PAK5: variants seen among roughly 807,000 people sequenced by gnomAD.
The protein encoded by PAK5 is p21 (RAC1) activated kinase 5, also known as serine/threonine-protein kinase PAK 5.
PAK5 carries 16 observed loss-of-function variants against 65.9 expected under a neutral mutation model. The observed-to-expected ratio is 0.24, with a 90% CI of 0.16 to 0.37. The LOEUF is 0.37. PAK5 is among the 10% of genes least tolerant of loss of function. PAK5 has a pLI of 1.00. For missense variants in PAK5, 785 were observed against 903.9 expected, an observed-to-expected ratio of 0.87 and a Z score of 1.69; for synonymous variants, 371 against 354.9, an observed-to-expected ratio of 1.05 and a Z score of -0.51.
At chr20:9,557,545 T>G in intron 7 of PAK5, 63 bp downstream of exon 7, 1 of 1,392,118 alleles carries the variant, frequency 7.2e-7, no homozygotes, top group Non-Finnish European at 9.7e-7. Flanking sequence ...TCTAAAAGAG[T>G]TATGCCCATG....
chr20:9,771,993 G>C (rs910629636), intron 1 of PAK5, among the ~76,000 whole-genome samples: 3 of 152,096 alleles, frequency 2.0e-5, no homozygotes, highest in African/African-American at 2.4e-5. Context: ...AACAGAGATC[G>C]CACCACTGCA....
chr20:9,700,567 G>C (rs751780355), intron 2 of PAK5, among the ~76,000 whole-genome samples: 2 of 152,122 alleles, frequency 1.3e-5, no homozygotes, highest in African/African-American at 4.8e-5. Context: ...ATACACTTAG[G>C]GGGGCTATTG....
chr20:9,690,256 G>A (rs1017693208), intron 2 of PAK5, among the ~76,000 whole-genome samples: 1 of 152,192 alleles, frequency 6.6e-6, no homozygotes, highest in African/African-American at 2.4e-5. Flanking sequence ...GCCCCCATGT[G>A]GGGTGTGTAG....
At chr20:9,700,519 C>G (rs1220081964) in intron 2 of PAK5, among the ~76,000 whole-genome samples, 1 of 152,144 alleles carries the variant, frequency 6.6e-6, no homozygotes, top group East Asian at 1.9e-4. Flanking sequence ...TTTTGTGTTA[C>G]TTTGAATAGA....
At chr20:9,718,994 G>C (rs2048183182) in intron 1 of PAK5, among the ~76,000 whole-genome samples, 1 of 152,124 alleles carries the variant, frequency 6.6e-6, no homozygotes, top group African/African-American at 2.4e-5. Flanking sequence ...TTTGTTTCCT[G>C]CTCCTCATCT....
chr20:9,730,123 A>G (rs939364377), intron 1 of PAK5, among the ~76,000 whole-genome samples: 1 of 151,952 alleles, frequency 6.6e-6, no homozygotes, highest in South Asian at 2.1e-4. Context: ...ATAGACATGT[A>G]AAATAATTAG....
At chr20:9,813,950 TA>T (rs1338290057) in intron 1 of PAK5, among the ~76,000 whole-genome samples, 1 of 152,178 alleles carries the variant, frequency 6.6e-6, no homozygotes, top group Non-Finnish European at 1.5e-5. Flanking sequence ...TTACTTTAAA[TA>T]AAAATGAACC....
At position 9,580,458 on chromosome 20, in the gene PAK5, G is replaced by T; in HGVS notation, c.677C>A (p.Ser226Tyr). The T allele has an allele frequency of 7.4e-6, 12 of 1,614,060 alleles. No homozygotes were observed. The highest frequency in any genetic ancestry group is 1.0e-5 in the Non-Finnish European group (12 of 1,179,984). ...GAATTGGAATGAATAATCCAGAGGG[G>T]AGCTACTCGAGGCTCTCTGATACTC... ...KWEYQRASSSSPLDYSFQFTP... is the reference protein window; with the variant it reads ...KWEYQRASSSYPLDYSFQFTP... The change falls in exon 4 of 10, where the codon TCC becomes TAC. Residue 226 changes from serine (S) to tyrosine (Y), a missense_variant. Around this residue, in one of 4 missense-constraint regions of PAK5, gnomAD observed 422 missense variants for 413.3 expected, o/e 1.02. Transcript: ENST00000353224.
rs371118304 is a variant in PAK5, at chr20:9,539,534, T to C, written c.2088A>G (p.Gly696=). The C allele has an allele frequency of 6.2e-6, 10 of 1,613,716 alleles. No individual in the cohort carries two copies. The highest frequency in any genetic ancestry group is 8.5e-7 in the Non-Finnish European group (1 of 1,179,868). ...SQRATAQELL[G]HPFLKLAGPP... ...GACCTGCTAGTTTTAAGAATGGATG[T>C]CCGAGGAGTTCCTGGGCTGTTGCTC... is the stretch of plus-strand genomic sequence containing the variant. The change falls in exon 10 of 10, where the codon GGA becomes GGG. Residue 696 remains glycine (G), a synonymous_variant. Transcript: ENST00000353224.
intron 2 of PAK5, among the ~76,000 whole-genome samples, chr20:9,651,035 TCAAA>T (rs990491190): frequency 3.9e-5 from 6 of 152,216 alleles, no homozygotes; most frequent in African/African-American, 1.4e-4. Context: ...AAGAATTTTA[TCAAA>T]CAATCTTATT....
chr20:9,644,269 C>A lies in PAK5; in HGVS notation c.60G>T (p.Arg20Ser). ...CTTGTGGATCAAACCCAGTATGAAC[C>A]CTGTGTTCAAAGTTGGACGGGCCAG... is the stretch of plus-strand genomic sequence containing the variant. ...EISGPSNFEH[R>S]VHTGFDPQEQ... The change falls in exon 3 of 10, where the codon AGG (arginine) becomes AGT (serine). Residue 20 changes from arginine to serine, a missense_variant. Arg to Ser is a moderately radical substitution (Grantham distance 110, BLOSUM62 -1). Coordinates refer to ENST00000353224, the MANE Select transcript of PAK5 (RefSeq NM_177990.4). 2 of 1,606,694 alleles carry A rather than the reference C, an allele frequency of 1.2e-6. No homozygotes were observed. Among genetic ancestry groups the A allele is most frequent in the Non-Finnish European group, 1.7e-6 (2 of 1,177,728 alleles).
rs113773898 is a variant in PAK5 at position 9,729,179 on chromosome 20, G to A, written c.-161-17744C>T. Among the ~76,000 whole-genome samples the A allele has an allele frequency of 5.9e-3, 893 of 151,646 alleles. 9 individuals are homozygous for A. Among genetic ancestry groups the A allele is most frequent in the African/African-American group, 0.019 (792 of 41,296 alleles). ...GAACCCAGGGGGTGGAGCTTGCAGT[G>A]AGCCAAAATTGTGCCACTGCACTCC... On this transcript the variant is annotated intron_variant, in intron 1 of 9. Coordinates refer to ENST00000353224, the MANE Select transcript of PAK5 (RefSeq NM_177990.4).
intron 3 of PAK5, among the ~76,000 whole-genome samples, chr20:9,595,124 T>G (rs553469496): frequency 1.3e-4 from 20 of 148,790 alleles, no homozygotes; most frequent in South Asian, 4.2e-4. Context: ...TACATATATA[T>G]AGAGAGAGAG....
At chr20:9,582,472 G>A (rs910444861) in intron 3 of PAK5, among the ~76,000 whole-genome samples, 3 of 152,128 alleles carry the variant, frequency 2.0e-5, no homozygotes, top group African/African-American at 4.8e-5. Context: ...ACATTTCATC[G>A]CATAATGTTT....
Position 9,580,646 on chromosome 20 carries a change from GC to G in PAK5, c.488del (p.Ser163ThrfsTer10). 1 of 1,613,996 alleles carries G rather than the reference GC, an allele frequency of 6.2e-7. No homozygotes were observed. Among genetic ancestry groups the G allele is most frequent in the Non-Finnish European group, 8.5e-7 (1 of 1,179,986 alleles). On this transcript the variant is annotated frameshift_variant, in exon 4 of 10. Coordinates refer to ENST00000353224, the MANE Select transcript of PAK5 (RefSeq NM_177990.4). LOFTEE classifies it high-confidence loss of function. ...CGTGCCCATTTTGCTTGGCTGCGTGGCTGCCTCTATAATACGGATCCAGATC... is the reference window on the plus strand; with the variant it reads ...CGTGCCCATTTTGCTTGGCTGCGTGGTGCCTCTATAATACGGATCCAGATC... Reference protein sequence around the residue: ...GDDLDPYYRGSHAAKQNGHVM... With the variant: ...GDDLDPYYRGXHAAKQNGHVM...
At chr20:9,614,760 G>C (rs1312509311) in intron 3 of PAK5, among the ~76,000 whole-genome samples, 1 of 152,188 alleles carries the variant, frequency 6.6e-6, no homozygotes, top group Admixed American at 6.5e-5. Flanking sequence ...AGACTTAAAG[G>C]CTTTCTCAGA....
rs915716363 is a variant in PAK5, at chr20:9,771,650, G to A, written c.-161-60215C>T. On this transcript the variant is annotated intron_variant, in intron 1 of 9. Coordinates refer to ENST00000353224, the MANE Select transcript of PAK5 (RefSeq NM_177990.4). ...TGTCCAGGCTGGTCTTGAACTCCTG[G>A]CCTCAAGTAATCCTCCTGTATCAGC... is the stretch of plus-strand genomic sequence containing the variant. Among the ~76,000 whole-genome samples the A allele has an allele frequency of 2.1e-5, 3 of 144,306 alleles. No homozygotes were observed. The Admixed American group carries it at 2.2e-4, about 11-fold the overall frequency. The allele number at this position is 144,306 out of a possible 152,430, so 94.7% of individuals were successfully genotyped here.
chr20:9,618,297 C>T lies in PAK5; in HGVS notation c.204+25828G>A, dbSNP rs556179032. On this transcript the variant is annotated intron_variant, in intron 3 of 9. Transcript: ENST00000353224. ...CTAAATTATAATCAAATTGATAAAACATAGCTCCACTCCATGTGGCTACAG... is the reference window on the plus strand; with the variant it reads ...CTAAATTATAATCAAATTGATAAAATATAGCTCCACTCCATGTGGCTACAG... 1.8e-4 allele frequency among the ~76,000 whole-genome samples: 27 copies of T among 151,966 alleles called. No homozygotes were observed. In the South Asian group the frequency reaches 2.9e-3, roughly 16 times the overall value.
At chr20:9,744,161 C>T (rs1165566860) in intron 1 of PAK5, among the ~76,000 whole-genome samples, 1 of 152,124 alleles carries the variant, frequency 6.6e-6, no homozygotes, top group Non-Finnish European at 1.5e-5. Context: ...ATTTTTAGGT[C>T]ATTGATAATA....
Sources: gnomAD v4.1 joint callset for allele counts (sites outside exome capture counted in the v4.1 genomes callset) on GRCh38, gnomAD v4.1.1 for gene constraint, gnomAD v4.1.1 regional missense constraint, MANE v1.5 for transcripts, NCBI Gene and HGNC (gene_info 2026-07-23, HGNC 2026-07-21) for gene names.